LAT2: variants seen among roughly 807,000 people sequenced by gnomAD.
LAT2 encodes the protein linker for activation of T cells family member 2.
In LAT2, 23 loss-of-function variants were observed where a neutral mutation model predicts 43.4. That is an observed-to-expected ratio of 0.53 (90% CI 0.38 to 0.75). LAT2 has a LOEUF of 0.75. Ranked by LOEUF, LAT2 falls within the 30% of genes least tolerant of loss-of-function variation. LAT2 has a pLI of 0.00. For synonymous variants in LAT2, 128 were observed against 123.2 expected (o/e 1.04, Z -0.26); for missense variants, 284 against 310.2 (o/e 0.92, Z 0.64).
In LAT2 at chr7:74,223,749, T is replaced by C; in HGVS notation, c.414T>C (p.Asn138=). 1 of 1,613,750 alleles carries C rather than the reference T, an allele frequency of 6.2e-7. No homozygotes were observed. Among genetic ancestry groups the C allele is most frequent in the Non-Finnish European group, 8.5e-7 (1 of 1,179,916 alleles). Residue 138 remains asparagine (N), a synonymous_variant, in exon 11 of 14, where the codon AAT becomes AAC. Transcript: ENST00000460943. Reference sequence around the variant, plus strand: ...ATGATGATGCCAATTCCTACGAGAATGTGCTCATTTGCAAGCAGAAAACCA... The same window carrying C: ...ATGATGATGCCAATTCCTACGAGAACGTGCTCATTTGCAAGCAGAAAACCA... ...PEDDDANSYE[N]VLICKQKTTE... is the part of the protein sequence containing the mutation.
At chr7:74,214,738 A>T (rs1206705142) in intron 1 of LAT2, 84 bp from the exon 2 acceptor site, 9 of 101,926 alleles carry the variant, frequency 8.8e-5, no homozygotes, top group East Asian at 5.3e-4. Flanking sequence ...AATATATATA[A>T]AAATATATAA....
intron 3 of LAT2, 142 bp from the exon 4 acceptor site, chr7:74,216,683 A>G: frequency 3.2e-6 from 2 of 630,014 alleles, no homozygotes; most frequent in Admixed American, 2.7e-5. Flanking sequence ...ATATTCTTTA[A>G]TATCAGGTGG....
chr7:74,211,839 G>A (rs782445877), intron 1 of LAT2, among the ~76,000 whole-genome samples: 27 of 152,220 alleles, frequency 1.8e-4, no homozygotes, highest in Non-Finnish European at 7.4e-5. Context: ...TGATTTGCCC[G>A]CCTCAGCCTC....
rs782401353 is a variant in LAT2 at position 74,224,610 on chromosome 7, C to G, written c.629-29C>G. 10 of 1,549,312 alleles carry G rather than the reference C, an allele frequency of 6.5e-6. No homozygotes were observed. In the African/African-American group the frequency reaches 8.2e-5, roughly 13 times the overall value. The stretch of plus-strand genomic sequence containing the variant: ...CATGGGTGTCTCCATGTGAACCACT[C>G]GATGACCTGTCTGCCCGCTGGTCCA... On this transcript the variant is annotated intron_variant, in intron 12 of 13. Coordinates refer to ENST00000460943, the MANE Select transcript of LAT2 (RefSeq NM_032464.3).
intron 1 of LAT2, among the ~76,000 whole-genome samples, chr7:74,211,615 G>A (rs1043289159): frequency 6.6e-6 from 1 of 152,010 alleles, no homozygotes; most frequent in Admixed American, 6.6e-5. Context: ...CTGCCACCAC[G>A]ACCGGCTAAT....
At chr7:74,212,556 G>A (rs1304745010) in intron 1 of LAT2, among the ~76,000 whole-genome samples, 1 of 152,162 alleles carries the variant, frequency 6.6e-6, no homozygotes, top group African/African-American at 2.4e-5. Flanking sequence ...TTACAGGTGT[G>A]AGTCCCTGTA....
rs1554715632 is a variant in LAT2 at position 74,223,713 on chromosome 7, C to G, written c.389-11C>G. Reference sequence around the variant, plus strand: ...CCCACACCCCCGTGCCCACTCCTCTCTCTCCTGCAGATGATGATGCCAATT... The same window carrying G: ...CCCACACCCCCGTGCCCACTCCTCTGTCTCCTGCAGATGATGATGCCAATT... On this transcript the variant is annotated splice_polypyrimidine_tract_variant and intron_variant, in intron 10 of 13. Coordinates refer to ENST00000460943, the MANE Select transcript of LAT2 (RefSeq NM_032464.3). 5 of 1,613,784 alleles carry G rather than the reference C, an allele frequency of 3.1e-6. No individual in the cohort carries two copies. Among genetic ancestry groups the G allele is most frequent in the Non-Finnish European group, 3.4e-6 (4 of 1,179,766 alleles).
chr7:74,221,661 C>A lies in LAT2; in HGVS notation c.357C>A (p.Tyr119Ter). 1 of 1,613,310 alleles carries A rather than the reference C, an allele frequency of 6.2e-7. No homozygotes were observed. The highest frequency in any genetic ancestry group is 8.5e-7 in the Non-Finnish European group (1 of 1,179,604). Residue 119 changes from tyrosine (Y) to a stop codon, truncating the protein, a stop_gained, in exon 10 of 14, where the codon TAC (tyrosine) becomes TAA (stop). Coordinates refer to ENST00000460943, the MANE Select transcript of LAT2 (RefSeq NM_032464.3). LOFTEE classifies it high-confidence loss of function. ...AYIDPIAMEY[Y>*]NWGRFSKPPE... ...GAGACCCCATTGCCATGGAGTATTACAACTGGGGGCGGTTCTCGAAGCCCC... is the reference window on the plus strand; with the variant it reads ...GAGACCCCATTGCCATGGAGTATTAAAACTGGGGGCGGTTCTCGAAGCCCC...
At chr7:74,221,766 G>A in intron 10 of LAT2, 74 bp downstream of exon 10, 1 of 1,327,260 alleles carries the variant, frequency 7.5e-7, no homozygotes, top group Non-Finnish European at 1.1e-6. Flanking sequence ...CCTCCAGGCA[G>A]GAGAGGAGGC....
Position 74,220,812 on chromosome 7 carries a change from T to A in LAT2, c.332+78T>A. The A allele has an allele frequency of 1.1e-6, 1 of 949,036 alleles. No homozygotes were observed. The highest frequency in any genetic ancestry group is 1.3e-6 in the Non-Finnish European group (1 of 740,882). The allele number at this position is 949,036 out of a possible 1,614,324, so 58.8% of individuals were successfully genotyped here. ...TCTCCCCCTGCCCCACCTCTCCCCC[T>A]GCCCCACCTGCCTGCCACAGCCCTG... On this transcript the variant is annotated intron_variant, in intron 9 of 13. Coordinates refer to ENST00000460943, the MANE Select transcript of LAT2 (RefSeq NM_032464.3). This position sits in a 1 kb window ranked among gnomAD's most constrained non-coding sequence, Gnocchi z 4.5.
Position 74,220,098 on chromosome 7 carries a change from G to C in LAT2, c.227+90G>C. 1 of 1,566,196 alleles carries C rather than the reference G, an allele frequency of 6.4e-7. No individual in the cohort carries two copies. The highest frequency in any genetic ancestry group is 8.7e-7 in the Non-Finnish European group (1 of 1,147,202). ...CAGGTCAAGACCTCCCTCCCTCCCC[G>C]AGTCCCAGAGCTCCAGGGCTCAGCT... On this transcript the variant is annotated intron_variant, in intron 6 of 13. Transcript: ENST00000460943. This position sits in a 1 kb window ranked among gnomAD's most constrained non-coding sequence, Gnocchi z 4.5.
intron 10 of LAT2, among the ~76,000 whole-genome samples, chr7:74,222,267 G>T (rs1305045063): frequency 1.3e-5 from 2 of 150,852 alleles, no homozygotes; most frequent in Non-Finnish European, 3.0e-5. Context: ...CAGGCATGGT[G>T]GCACATGCCT....
In LAT2 at chr7:74,220,095, C is replaced by A; in HGVS notation, c.227+87C>A. The A allele has an allele frequency of 1.3e-6, 2 of 1,568,746 alleles. No individual in the cohort carries two copies. The highest frequency in any genetic ancestry group is 3.5e-5 in the Admixed American group (2 of 56,484). On this transcript the variant is annotated intron_variant, in intron 6 of 13. Coordinates refer to ENST00000460943, the MANE Select transcript of LAT2 (RefSeq NM_032464.3). This position sits in a 1 kb window ranked among gnomAD's most constrained non-coding sequence, Gnocchi z 4.5. ...GCCCAGGTCAAGACCTCCCTCCCTCCCCGAGTCCCAGAGCTCCAGGGCTCA... is the reference window on the plus strand; with the variant it reads ...GCCCAGGTCAAGACCTCCCTCCCTCACCGAGTCCCAGAGCTCCAGGGCTCA...
At chr7:74,216,739 G>T in intron 3 of LAT2, 86 bp from the exon 4 acceptor site, 1 of 1,159,916 alleles carries the variant, frequency 8.6e-7, no homozygotes, top group Non-Finnish European at 1.3e-6. Flanking sequence ...TCTGAGTCCT[G>T]CTGGAGACAA....
chr7:74,224,795 G>T, intron 13 of LAT2, 35 bp downstream of exon 13: 2 of 1,429,928 alleles, frequency 1.4e-6, no homozygotes, highest in Non-Finnish European at 1.9e-6. Context: ...CGTGGGCCAA[G>T]GATTGGAGGT....
chr7:74,213,527 T>C (rs1329596460), intron 1 of LAT2, among the ~76,000 whole-genome samples: 3 of 148,976 alleles, frequency 2.0e-5, no homozygotes, highest in Admixed American at 6.8e-5. Flanking sequence ...TAGGTTCAAG[T>C]GATTCTCTTG....
chr7:74,220,956 G>C lies in LAT2; in HGVS notation c.332+222G>C, dbSNP rs1229529396. ...TCTCTTAGGTAACCCTGGGTTTGGG[G>C]GACTGGACTTTGCCCTGCTCTGGGA... On this transcript the variant is annotated intron_variant, in intron 9 of 13. Coordinates refer to ENST00000460943, the MANE Select transcript of LAT2 (RefSeq NM_032464.3). The surrounding 1 kb of genome is among the most constrained non-coding windows in gnomAD (Gnocchi z 4.5). Among the ~76,000 whole-genome samples the C allele has an allele frequency of 6.6e-6, 1 of 152,178 alleles. No homozygotes were observed. Among genetic ancestry groups the C allele is most frequent in the Non-Finnish European group, 1.5e-5 (1 of 68,030 alleles).
At chr7:74,214,407 T>A (rs1263528274) in intron 1 of LAT2, among the ~76,000 whole-genome samples, 1 of 66,332 alleles carries the variant, frequency 1.5e-5, no homozygotes, top group African/African-American at 6.2e-5. Flanking sequence ...TATATGAAAA[T>A]ATATATATAA....
chr7:74,218,723 C>T (rs1554714558), intron 4 of LAT2, among the ~76,000 whole-genome samples: 1 of 152,154 alleles, frequency 6.6e-6, no homozygotes, highest in African/African-American at 2.4e-5. Flanking sequence ...GAGATGGAGC[C>T]ACATTTACTT....
Sources: gnomAD v4.1 joint callset for allele counts (sites outside exome capture counted in the v4.1 genomes callset) on GRCh38, gnomAD v4.1.1 for gene constraint, Gnocchi (gnomAD v3.1) non-coding constraint, MANE v1.5 for transcripts, NCBI Gene and HGNC (gene_info 2026-07-23, HGNC 2026-07-21) for gene names.